ZBTB44: variants seen among roughly 807,000 people sequenced by gnomAD.
The protein encoded by ZBTB44 is zinc finger and BTB domain containing 44.
A neutral mutation model predicts 54.0 loss-of-function variants in ZBTB44; 15 were observed. The ratio of observed to expected loss-of-function variants is 0.28; its 90% CI spans 0.19 to 0.43. The LOEUF (loss-of-function observed/expected upper bound fraction) is 0.43. Ranked by LOEUF, ZBTB44 falls within the 20% of genes least tolerant of loss-of-function variation. The pLI is 1.00. For synonymous variants in ZBTB44, 230 were observed against 250.1 expected, an observed-to-expected ratio of 0.92 and a Z score of 0.76; for missense variants, 487 against 707.1, an observed-to-expected ratio of 0.69 and a Z score of 3.53.
chr11:130,247,060 C>T (rs902846457), intron 2 of ZBTB44, among the ~76,000 whole-genome samples: 2 of 152,132 alleles, frequency 1.3e-5, no homozygotes, highest in African/African-American at 4.8e-5. Flanking sequence ...CTGAGCAAAC[C>T]TCACTTCCTT....
chr11:130,288,897 A>G (rs1222544147), intron 1 of ZBTB44, among the ~76,000 whole-genome samples: 1 of 128,970 alleles, frequency 7.8e-6, no homozygotes, highest in Non-Finnish European at 1.6e-5. Context: ...ACTCCGTCTT[A>G]AAAAAAAAAA....
rs973595526 is a variant in ZBTB44, at chr11:130,229,483, T to C, written c.*2281A>G. On this transcript the variant is annotated 3_prime_UTR_variant, in exon 8 of 8. Coordinates refer to ENST00000357899, the MANE Select transcript of ZBTB44 (RefSeq NM_001301098.2). ...ACCATTATTGCTTTTGGCTAATTCA[T>C]CTTGCTGAGGACTTTCCAAATAAAA... The C allele has an allele frequency of 1.3e-5, 2 of 152,174 alleles. No homozygotes were observed. The highest frequency in any genetic ancestry group is 2.1e-4 in the South Asian group (1 of 4,834). 9.4% of individuals were successfully genotyped at this position (152,174 alleles called of 1,614,324 possible).
chr11:130,255,807 C>T (rs1938384819), intron 2 of ZBTB44, among the ~76,000 whole-genome samples: 1 of 150,910 alleles, frequency 6.6e-6, no homozygotes, highest in Admixed American at 6.6e-5. Flanking sequence ...GACGAAAATT[C>T]CTGGACATAT....
chr11:130,287,922 AT>A (rs566532775), intron 1 of ZBTB44, among the ~76,000 whole-genome samples: 167 of 151,588 alleles, frequency 1.1e-3, no homozygotes, highest in African/African-American at 3.9e-3. Context: ...ATAACAGTAC[AT>A]TTTAAGACAA....
chr11:130,251,941 G>C (rs1565652940), intron 2 of ZBTB44, among the ~76,000 whole-genome samples: 1 of 152,142 alleles, frequency 6.6e-6, no homozygotes, highest in Non-Finnish European at 1.5e-5. Context: ...AAATGTAAAT[G>C]GGCTAAATGC....
intron 1 of ZBTB44, among the ~76,000 whole-genome samples, chr11:130,270,226 C>T (rs79285761): frequency 0.012 from 1,840 of 152,274 alleles, 17 homozygotes; most frequent in Middle Eastern, 0.02. Context: ...AAGATACTAA[C>T]CAGGTTTTAA....
chr11:130,235,868 G>A (rs1023599515), intron 5 of ZBTB44, among the ~76,000 whole-genome samples: 1 of 151,750 alleles, frequency 6.6e-6, no homozygotes, highest in Admixed American at 6.6e-5. Context: ...TGGGTGTAGT[G>A]GTGGGCACCT....
chr11:130,278,257 C>T (rs1940250345), intron 1 of ZBTB44, among the ~76,000 whole-genome samples: 1 of 152,218 alleles, frequency 6.6e-6, no homozygotes, highest in South Asian at 2.1e-4. Flanking sequence ...TTAGCTTACA[C>T]AGTTGGGCAA....
chr11:130,287,765 G>C (rs1227542963), intron 1 of ZBTB44, among the ~76,000 whole-genome samples: 1 of 151,878 alleles, frequency 6.6e-6, no homozygotes, highest in South Asian at 2.1e-4. Flanking sequence ...ACTAGACAGC[G>C]GATTTTAAAC....
intron 1 of ZBTB44, among the ~76,000 whole-genome samples, chr11:130,270,924 C>A (rs1392211391): frequency 1.3e-5 from 2 of 152,136 alleles, no homozygotes; most frequent in African/African-American, 4.8e-5. Flanking sequence ...GGGAAGAAGT[C>A]ACGATAAATT....
intron 1 of ZBTB44, among the ~76,000 whole-genome samples, chr11:130,270,605 G>A (rs1490220667): frequency 6.6e-6 from 1 of 152,050 alleles, no homozygotes; most frequent in Non-Finnish European, 1.5e-5. Context: ...AGTCCTATCT[G>A]CCTTTTAAGA....
chr11:130,272,636 T>G (rs778010620), intron 1 of ZBTB44, among the ~76,000 whole-genome samples: 1 of 152,200 alleles, frequency 6.6e-6, no homozygotes, highest in Non-Finnish European at 1.5e-5. Flanking sequence ...GCTTTTGGTA[T>G]CGTATCTACA....
chr11:130,309,647 C>T (rs1458627804), intron 1 of ZBTB44, among the ~76,000 whole-genome samples: 1 of 151,920 alleles, frequency 6.6e-6, no homozygotes, highest in Admixed American at 6.6e-5. Flanking sequence ...GCCAGGATTA[C>T]ACTTCAGGAG....
chr11:130,281,350 T>C (rs1592021785), intron 1 of ZBTB44, among the ~76,000 whole-genome samples: 3 of 151,704 alleles, frequency 2.0e-5, no homozygotes, highest in Non-Finnish European at 4.4e-5. Context: ...TGAGACCCTG[T>C]CTCCACAAAA....
Position 130,314,657 on chromosome 11 carries a change from G to A in ZBTB44, c.-339C>T, listed in dbSNP as rs1275603514. 1 of 151,950 alleles carries A rather than the reference G, an allele frequency of 6.6e-6. No individual in the cohort carries two copies. Among genetic ancestry groups the A allele is most frequent in the Non-Finnish European group, 1.5e-5 (1 of 68,024 alleles). The allele number at this position is 151,950 out of a possible 1,614,324, so 9.4% of individuals were successfully genotyped here. On this transcript the variant is annotated 5_prime_UTR_variant, in exon 1 of 8. Transcript: ENST00000357899. Reference sequence around the variant, plus strand: ...GCACCCCCAGCGCTCGGAGGGGCCAGAGGGGAGGAGCGAGGGGGCCCGGGA... The same window carrying A: ...GCACCCCCAGCGCTCGGAGGGGCCAAAGGGGAGGAGCGAGGGGGCCCGGGA...
chr11:130,234,345 C>A (rs1445116763), intron 5 of ZBTB44, 72 bp from the exon 6 acceptor site: 1 of 1,412,632 alleles, frequency 7.1e-7, no homozygotes, highest in African/African-American at 1.5e-5. Context: ...CAGTAAAAAG[C>A]TCTGATTTAT....
intron 1 of ZBTB44, chr11:130,296,375 G>A (rs536902852): frequency 9.8e-6 from 15 of 1,528,710 alleles, no homozygotes; most frequent in African/African-American, 1.4e-5. Flanking sequence ...ACCACTATGA[G>A]TTGCTGAACT....
intron 1 of ZBTB44, among the ~76,000 whole-genome samples, chr11:130,267,930 G>A (rs201123884): frequency 4.6e-5 from 7 of 151,882 alleles, no homozygotes; most frequent in Admixed American, 2.6e-4. Flanking sequence ...AAAATTAGCC[G>A]GGTGTGGTGG....
chr11:130,260,864 G>A lies in ZBTB44; in HGVS notation c.1010C>T (p.Ser337Phe). ...CACAGAAGGCATTATACCTATAGAG[G>A]AAGACTGTGGACTAATCAGAAGGTC... Reference protein sequence around the residue: ...QEDLLISPQSSSIGSVDEGVS... With the variant: ...QEDLLISPQSFSIGSVDEGVS... The change falls in exon 2 of 8, where the codon TCC becomes TTC. Residue 337 changes from serine to phenylalanine, a missense_variant. Around this residue, in one of 3 missense-constraint regions of ZBTB44, gnomAD observed 277 missense variants for 306.5 expected, o/e 0.90. Transcript: ENST00000357899. 1 of 1,611,656 alleles carries A rather than the reference G, an allele frequency of 6.2e-7. No homozygotes were observed. The highest frequency in any genetic ancestry group is 8.5e-7 in the Non-Finnish European group (1 of 1,179,102).
Sources: gnomAD v4.1 joint callset for allele counts (sites outside exome capture counted in the v4.1 genomes callset) on GRCh38, gnomAD v4.1.1 for gene constraint, gnomAD v4.1.1 regional missense constraint, MANE v1.5 for transcripts, NCBI Gene and HGNC (gene_info 2026-07-23, HGNC 2026-07-21) for gene names.